Variants in THSD7B observed in about 807,000 individuals in gnomAD.
The protein encoded by THSD7B is thrombospondin type 1 domain containing 7B.
In THSD7B, 138 loss-of-function variants were observed where a neutral mutation model predicts 213.6. The observed-to-expected ratio is 0.65, with a 90% CI of 0.56 to 0.74. THSD7B has a LOEUF of 0.74. THSD7B is among the 30% of genes least tolerant of loss of function. THSD7B has a pLI of 0.00. For missense variants in THSD7B, 1,931 were observed against 1,991.5 expected, an observed-to-expected ratio of 0.97 and a Z score of 0.58; for synonymous variants, 742 against 687.0, an observed-to-expected ratio of 1.08 and a Z score of -1.25.
intron 3 of THSD7B, among the ~76,000 whole-genome samples, chr2:137,078,661 A>AT (rs1346504867): frequency 2.0e-5 from 3 of 151,510 alleles, no homozygotes; most frequent in Admixed American, 6.6e-5. Flanking sequence ...GTATGTATAT[A>AT]TTTTTTTCAT....
At chr2:137,100,923 G>C (rs1202362341) in intron 4 of THSD7B, among the ~76,000 whole-genome samples, 1 of 152,044 alleles carries the variant, frequency 6.6e-6, no homozygotes, top group African/African-American at 2.4e-5. Context: ...TGGTTATGAG[G>C]GTTACTTCAA....
Position 137,026,323 on chromosome 2 carries a change from G to A in THSD7B, c.140-30097G>A, listed in dbSNP as rs532351713. 1.7e-4 allele frequency among the ~76,000 whole-genome samples: 26 copies of A among 152,258 alleles called. No homozygotes were observed. In the East Asian group the frequency reaches 4.2e-3, roughly 25 times the overall value. ...GTCCTCTTCTACATCGTTCCCTATA[G>A]TTCCTTGCTTTGCCCTCTCAGAAGA... On this transcript the variant is annotated intron_variant, in intron 2 of 27. Transcript: ENST00000409968.
chr2:137,113,581 C>G (rs757466968), intron 4 of THSD7B, among the ~76,000 whole-genome samples: 1 of 152,078 alleles, frequency 6.6e-6, no homozygotes, highest in African/African-American at 2.4e-5. Context: ...GGATTACAGG[C>G]ATGTGCCACC....
intron 2 of THSD7B, among the ~76,000 whole-genome samples, chr2:136,997,639 A>T (rs1685918995): frequency 1.3e-5 from 2 of 152,258 alleles, no homozygotes; most frequent in South Asian, 4.2e-4. Context: ...AGGTGGAGGA[A>T]ACTCATGTAG....
intron 5 of THSD7B, among the ~76,000 whole-genome samples, chr2:137,147,229 C>A (rs2104970682): frequency 6.6e-6 from 1 of 152,214 alleles, no homozygotes; most frequent in East Asian, 1.9e-4. Context: ...GAAGAAGATG[C>A]TTTTGTTCGG....
chr2:137,167,595 A>G (rs1219371786), intron 6 of THSD7B, among the ~76,000 whole-genome samples: 2 of 152,094 alleles, frequency 1.3e-5, no homozygotes, highest in Admixed American at 1.3e-4. Context: ...CAATTAAAAA[A>G]CACTGACCCC....
chr2:136,790,494 T>G (rs572429641), intron 1 of THSD7B, among the ~76,000 whole-genome samples: 1 of 152,270 alleles, frequency 6.6e-6, no homozygotes, highest in East Asian at 1.9e-4. Flanking sequence ...ATCTCCACTT[T>G]TATTGCAAAT....
chr2:136,768,056 C>T (rs1455649715), intron 1 of THSD7B, among the ~76,000 whole-genome samples: 1 of 152,120 alleles, frequency 6.6e-6, no homozygotes, highest in African/African-American at 2.4e-5. Context: ...CTGACATTAA[C>T]AAATTGGTAA....
intron 10 of THSD7B, among the ~76,000 whole-genome samples, chr2:137,253,650 G>C (rs1380121087): frequency 1.3e-5 from 2 of 152,084 alleles, no homozygotes; most frequent in Non-Finnish European, 2.9e-5. Context: ...AGAAACCAAG[G>C]TACCCATTCT....
In THSD7B at chr2:137,150,756, G is replaced by A. The variant is rs374033420; in HGVS notation, c.1370-9457G>A. 5.9e-5 allele frequency among the ~76,000 whole-genome samples: 9 copies of A among 152,086 alleles called. No homozygotes were observed. The East Asian group carries it at 1.7e-3, about 29-fold the overall frequency. On this transcript the variant is annotated intron_variant, in intron 5 of 27. Coordinates refer to ENST00000409968, the MANE Select transcript of THSD7B (RefSeq NM_001316349.2). ...GATGATCTTGTCTTTGTACATCATAGAGTGTACTTACACAAATCTAGTTGG... is the reference window on the plus strand; with the variant it reads ...GATGATCTTGTCTTTGTACATCATAAAGTGTACTTACACAAATCTAGTTGG...
At chr2:136,822,380 C>G (rs1455375980) in intron 1 of THSD7B, among the ~76,000 whole-genome samples, 1 of 152,204 alleles carries the variant, frequency 6.6e-6, no homozygotes, top group East Asian at 1.9e-4. Context: ...TGAATTGAGA[C>G]TGACTCCTGC....
chr2:137,006,268 G>A (rs1362799249), intron 2 of THSD7B, among the ~76,000 whole-genome samples: 5 of 152,124 alleles, frequency 3.3e-5, no homozygotes, highest in East Asian at 1.9e-4. Flanking sequence ...GGTGGCAGGC[G>A]CCTGTAGTCC....
intron 16 of THSD7B, among the ~76,000 whole-genome samples, chr2:137,571,728 A>G (rs1681358967): frequency 6.6e-6 from 1 of 152,082 alleles, no homozygotes; most frequent in Non-Finnish European, 1.5e-5. Flanking sequence ...TTATCTCAAA[A>G]CCTGACACAG....
chr2:137,228,425 A>G (rs1040373061), intron 7 of THSD7B, among the ~76,000 whole-genome samples: 1 of 152,098 alleles, frequency 6.6e-6, no homozygotes, highest in African/African-American at 2.4e-5. Context: ...GACAGGGAGG[A>G]TGGTAAATTT....
At chr2:137,174,108 C>G (rs897662562) in intron 7 of THSD7B, among the ~76,000 whole-genome samples, 1 of 152,204 alleles carries the variant, frequency 6.6e-6, no homozygotes, top group Non-Finnish European at 1.5e-5. Context: ...ATTAGATCTA[C>G]TCAGACTTGA....
At chr2:137,475,315 T>C (rs1416427003) in intron 15 of THSD7B, among the ~76,000 whole-genome samples, 1 of 152,218 alleles carries the variant, frequency 6.6e-6, no homozygotes, top group Admixed American at 6.5e-5. Context: ...CTCAAGTATT[T>C]ATCATTTCTA....
intron 5 of THSD7B, among the ~76,000 whole-genome samples, chr2:137,131,763 T>C (rs1207736020): frequency 1.3e-5 from 2 of 152,252 alleles, no homozygotes; most frequent in Non-Finnish European, 2.9e-5. Context: ...ACCAGTACCA[T>C]GCTGTTTTGG....
chr2:137,073,831 G>T (rs1191413690), intron 3 of THSD7B, among the ~76,000 whole-genome samples: 8 of 151,922 alleles, frequency 5.3e-5, no homozygotes, highest in Non-Finnish European at 8.8e-5. Flanking sequence ...TCTGCCTTCA[G>T]TTCGTTATTT....
chr2:137,645,127 TA>T (rs1683006502), intron 21 of THSD7B, among the ~76,000 whole-genome samples: 1 of 152,172 alleles, frequency 6.6e-6, no homozygotes, highest in Admixed American at 6.5e-5. Context: ...TTTTCTTTTT[TA>T]TATAGTGGGG....
Sources: gnomAD v4.1 joint callset for allele counts (sites outside exome capture counted in the v4.1 genomes callset) on GRCh38, gnomAD v4.1.1 for gene constraint, MANE v1.5 for transcripts, NCBI Gene and HGNC (gene_info 2026-07-23, HGNC 2026-07-21) for gene names.